The following SSBP2 variants were observed in gnomAD, a reference collection of about 807,000 sequenced individuals.
The protein encoded by SSBP2 is single-stranded DNA-binding protein 2.
Under a neutral mutation model 61.8 loss-of-function variants are expected in SSBP2, and 17 were observed. The observed-to-expected ratio is 0.28, with a 90% confidence interval of 0.19 to 0.41. The LOEUF is 0.41. Ranked by LOEUF, SSBP2 falls within the 10% of genes least tolerant of loss-of-function variation. The pLI, the probability that SSBP2 is intolerant of heterozygous loss-of-function variation, is 1.00. For synonymous variants in SSBP2, 139 were observed against 141.3 expected (o/e 0.98, Z 0.12); for missense variants, 310 against 458.7 (o/e 0.68, Z 2.96).
intron 1 of SSBP2, among the ~76,000 whole-genome samples, chr5:81,728,929 T>A (rs1316430949): frequency 2.0e-5 from 3 of 152,200 alleles, no homozygotes; most frequent in East Asian, 3.8e-4. Context: ...GTTTAATTTT[T>A]AAATTACTTA....
Position 81,595,064 on chromosome 5 carries a change from T to C in SSBP2, c.282+20409A>G, listed in dbSNP as rs1743571584. Among the ~76,000 whole-genome samples the C allele has an allele frequency of 2.0e-5, 3 of 152,094 alleles. 1 individual carries two copies. In the South Asian group the frequency reaches 6.2e-4, roughly 32 times the overall value. The stretch of plus-strand genomic sequence containing the variant: ...TTAATGAATCCAGGAGCTGGTTTTT[T>C]GAAAAGATCAACAAAATTTATAGAC... On this transcript the variant is annotated intron_variant, in intron 4 of 16. Transcript: ENST00000320672.
chr5:81,468,786 T>G (rs1380074373), intron 8 of SSBP2, among the ~76,000 whole-genome samples: 3 of 152,128 alleles, frequency 2.0e-5, no homozygotes, highest in East Asian at 3.9e-4. Flanking sequence ...TATTTACTTT[T>G]ACTTTAAGGA....
In SSBP2 at chr5:81,428,649, G is replaced by C. The variant is rs747165170; in HGVS notation, c.992C>G (p.Pro331Arg). Residue 331 changes from proline (P) to arginine (R), a missense_variant, in exon 16 of 17, where the codon CCG becomes CGG. Pro to Arg is a moderately radical substitution (Grantham distance 103). This residue lies in a region of SSBP2 where 44 missense variants were observed against 86.2 expected (regional missense o/e 0.51). Coordinates refer to ENST00000320672, the MANE Select transcript of SSBP2 (RefSeq NM_012446.5). The stretch of plus-strand genomic sequence containing the variant: ...TTCGCCATCATCCCTTGGAGTGCCC[G>C]GTTGATTACTCAGGCTCATATTATT... The C allele has an allele frequency of 6.2e-7, 1 of 1,613,084 alleles. No individual in the cohort carries two copies. Among genetic ancestry groups the C allele is most frequent in the Non-Finnish European group, 8.5e-7 (1 of 1,179,432 alleles).
chr5:81,447,044 A>G, intron 11 of SSBP2, 122 bp from the exon 12 acceptor site: 1 of 659,214 alleles, frequency 1.5e-6, no homozygotes, highest in Non-Finnish European at 2.4e-6. Flanking sequence ...TCTCTAATTT[A>G]TTTTCTTTGA....
At chr5:81,508,055 C>T (rs1768314879) in intron 5 of SSBP2, among the ~76,000 whole-genome samples, 1 of 152,142 alleles carries the variant, frequency 6.6e-6, no homozygotes, top group Admixed American at 6.5e-5. Flanking sequence ...AATAGCATAT[C>T]GATGCTTTTA....
At chr5:81,644,017 C>T (rs560636667) in intron 2 of SSBP2, among the ~76,000 whole-genome samples, 3 of 152,282 alleles carry the variant, frequency 2.0e-5, no homozygotes, top group Admixed American at 6.5e-5. Context: ...ACATGATACT[C>T]GGTAGTCACG....
At chr5:81,456,982 A>T (rs1292992108) in intron 10 of SSBP2, among the ~76,000 whole-genome samples, 3 of 152,220 alleles carry the variant, frequency 2.0e-5, no homozygotes, top group Non-Finnish European at 2.9e-5. Flanking sequence ...TGTTTTTAAT[A>T]CAAATAGGTA....
intron 1 of SSBP2, among the ~76,000 whole-genome samples, chr5:81,654,972 A>AAT (rs112968214): frequency 0.01 from 1,530 of 150,706 alleles, 38 homozygotes; most frequent in African/African-American, 0.035. Context: ...CCCCATCTCT[A>AAT]ATATATATAT....
At chr5:81,436,577 A>G (rs943490161) in intron 15 of SSBP2, among the ~76,000 whole-genome samples, 1 of 152,084 alleles carries the variant, frequency 6.6e-6, no homozygotes, top group Non-Finnish European at 1.5e-5. Context: ...TTTTCTTGGC[A>G]GCAGGAATTT....
chr5:81,473,695 T>A lies in SSBP2; in HGVS notation c.570+5A>T, dbSNP rs949199823. The A allele has an allele frequency of 2.5e-6, 4 of 1,613,636 alleles. No homozygotes were observed. In the African/African-American group the frequency reaches 5.3e-5, roughly 22 times the overall value. The stretch of plus-strand genomic sequence containing the variant: ...TGCTATTGTAAATATGCACTGATTA[T>A]TTACCTGTGGTCCTAAGGGCACCAT... On this transcript the variant is annotated splice_donor_5th_base_variant and intron_variant, in intron 8 of 16. Coordinates refer to ENST00000320672, the MANE Select transcript of SSBP2 (RefSeq NM_012446.5).
intron 1 of SSBP2, among the ~76,000 whole-genome samples, chr5:81,740,483 G>C (rs761245979): frequency 2.0e-5 from 3 of 151,928 alleles, no homozygotes; most frequent in African/African-American, 7.3e-5. Flanking sequence ...TTTTCTAATA[G>C]CCAGTATTAC....
chr5:81,707,949 A>G (rs116411792), intron 1 of SSBP2, among the ~76,000 whole-genome samples: 5 of 152,198 alleles, frequency 3.3e-5, no homozygotes, highest in Admixed American at 6.5e-5. Flanking sequence ...AAAAGAGCAT[A>G]AAGTACAGAA....
At chr5:81,750,899 T>G in intron 1 of SSBP2, 82 bp downstream of exon 1, 2 of 1,439,980 alleles carry the variant, frequency 1.4e-6, no homozygotes, top group South Asian at 2.5e-5. Flanking sequence ...GGAGAGTGTC[T>G]GTGTCTCCCA....
At chr5:81,687,090 G>T (rs566641689) in intron 1 of SSBP2, among the ~76,000 whole-genome samples, 13 of 152,142 alleles carry the variant, frequency 8.5e-5, no homozygotes, top group Non-Finnish European at 1.9e-4. Flanking sequence ...ACTGAAAGCA[G>T]CACTGAAGAG....
At chr5:81,703,847 T>C (rs543733777) in intron 1 of SSBP2, among the ~76,000 whole-genome samples, 2 of 152,356 alleles carry the variant, frequency 1.3e-5, no homozygotes, top group South Asian at 2.1e-4. Context: ...TACTTTTTCA[T>C]TGTACCCACT....
At chr5:81,556,596 C>A (rs1233258507) in intron 4 of SSBP2, among the ~76,000 whole-genome samples, 1 of 152,046 alleles carries the variant, frequency 6.6e-6, no homozygotes, top group African/African-American at 2.4e-5. Flanking sequence ...CTTTCTCCTC[C>A]TAGGGTCCTT....
At chr5:81,676,444 T>G (rs1247467390) in intron 1 of SSBP2, among the ~76,000 whole-genome samples, 1 of 152,154 alleles carries the variant, frequency 6.6e-6, no homozygotes, top group Non-Finnish European at 1.5e-5. Flanking sequence ...ACGGTCTTCC[T>G]AGATTTAGCG....
chr5:81,496,942 C>A (rs990651458), intron 5 of SSBP2, among the ~76,000 whole-genome samples: 1 of 152,166 alleles, frequency 6.6e-6, no homozygotes, highest in Non-Finnish European at 1.5e-5. Flanking sequence ...AGGCCCTCAG[C>A]AACTGTGCAA....
At chr5:81,497,190 GT>G (rs1357871233) in intron 5 of SSBP2, among the ~76,000 whole-genome samples, 1 of 152,154 alleles carries the variant, frequency 6.6e-6, no homozygotes, top group Middle Eastern at 3.2e-3. Flanking sequence ...GTAGTCTTTA[GT>G]CCAATTATTT....
Sources: gnomAD v4.1 joint callset for allele counts (sites outside exome capture counted in the v4.1 genomes callset) on GRCh38, gnomAD v4.1.1 for gene constraint, gnomAD v4.1.1 regional missense constraint, MANE v1.5 for transcripts, NCBI Gene and HGNC (gene_info 2026-07-23, HGNC 2026-07-21) for gene names.